SEMA6D: variants seen among roughly 807,000 people sequenced by gnomAD.
SEMA6D encodes semaphorin-6D.
SEMA6D carries 35 observed loss-of-function variants against 106.6 expected under a neutral mutation model. That is an observed-to-expected ratio of 0.33 (90% CI 0.25 to 0.44). The LOEUF is 0.44. Ranked by LOEUF, SEMA6D falls within the 20% of genes least tolerant of loss-of-function variation. The pLI, the probability that SEMA6D is intolerant of heterozygous loss-of-function variation, is 1.00. For synonymous variants in SEMA6D, 499 were observed against 487.7 expected (o/e 1.02, Z -0.31); for missense variants, 1,185 against 1,345.9 (o/e 0.88, Z 1.87).
chr15:47,504,545 T>C (rs1298422932), intron 3 of SEMA6D, among the ~76,000 whole-genome samples: 3 of 152,172 alleles, frequency 2.0e-5, no homozygotes, highest in Non-Finnish European at 4.4e-5. Context: ...TTTGCCCTCC[T>C]GAGCTGGGAA....
intron 1 of SEMA6D, among the ~76,000 whole-genome samples, chr15:47,342,420 G>A (rs189024335): frequency 3.7e-4 from 56 of 152,316 alleles, no homozygotes; most frequent in African/African-American, 1.3e-3. Flanking sequence ...ATCTTGTTCT[G>A]TAGTTTTCAA....
At chr15:47,486,547 G>C (rs2043301538) in intron 3 of SEMA6D, among the ~76,000 whole-genome samples, 1 of 152,190 alleles carries the variant, frequency 6.6e-6, no homozygotes, top group Admixed American at 6.5e-5. Flanking sequence ...AAGGTTGCCA[G>C]ACAGCTGGAC....
rs114406156 is a variant in SEMA6D at position 47,241,790 on chromosome 15, C to T, written c.-239+57372C>T. 4.5e-3 allele frequency among the ~76,000 whole-genome samples: 692 copies of T among 152,142 alleles called. 8 individuals carry two copies. The highest frequency in any genetic ancestry group is 0.016 in the African/African-American group (667 of 41,522). On this transcript the variant is annotated intron_variant, in intron 1 of 19. Coordinates refer to the SEMA6D transcript ENST00000558014. ...GCTCCTGTGGACTTTCTAGTTCTGC[C>T]TGATTACACATTTCCCCAGTAGGTT...
At chr15:47,394,109 C>T (rs772413047) in intron 1 of SEMA6D, among the ~76,000 whole-genome samples, 1 of 152,156 alleles carries the variant, frequency 6.6e-6, no homozygotes, top group Non-Finnish European at 1.5e-5. Flanking sequence ...TAGCCCTTGT[C>T]ATGGGTACAT....
chr15:47,423,836 C>A (rs934275987), intron 2 of SEMA6D, among the ~76,000 whole-genome samples: 1 of 151,846 alleles, frequency 6.6e-6, no homozygotes, highest in Non-Finnish European at 1.5e-5. Context: ...TGTCTAAAAC[C>A]CACCAGAGTT....
intron 1 of SEMA6D, among the ~76,000 whole-genome samples, chr15:47,348,721 C>CAGAGAGAGAGAGAGAG (rs1313096616): frequency 1.6e-4 from 4 of 24,670 alleles, no homozygotes; most frequent in African/African-American, 3.9e-4. Flanking sequence ...ACACACACCA[C>CAGAGAGAGAGAGAGAG]ACACACAGAG....
chr15:47,471,904 T>TTCTC (rs375802887), intron 3 of SEMA6D, among the ~76,000 whole-genome samples: 2,406 of 123,528 alleles, frequency 0.019, 41 homozygotes, highest in Non-Finnish European at 0.024. Flanking sequence ...GCTGTGCTCT[T>TTCTC]TCTCTCTCTC....
intron 1 of SEMA6D, among the ~76,000 whole-genome samples, chr15:47,271,234 A>G (rs1444863419): frequency 6.6e-6 from 1 of 152,210 alleles, no homozygotes; most frequent in Non-Finnish European, 1.5e-5. Flanking sequence ...TACAATAGGG[A>G]AAACATTAAT....
At chr15:47,600,460 TG>T (rs2076626088) in intron 3 of SEMA6D, among the ~76,000 whole-genome samples, 1 of 152,114 alleles carries the variant, frequency 6.6e-6, no homozygotes, top group Admixed American at 6.6e-5. Context: ...CCCAAACAAA[TG>T]TTTCTCTTAT....
At chr15:47,683,992 A>T (rs1325706631) in intron 4 of SEMA6D, among the ~76,000 whole-genome samples, 1 of 152,186 alleles carries the variant, frequency 6.6e-6, no homozygotes, top group Non-Finnish European at 1.5e-5. Context: ...TCTTTAAAGG[A>T]TGGATTATGT....
intron 1 of SEMA6D, among the ~76,000 whole-genome samples, chr15:47,367,116 A>C (rs1161827241): frequency 6.6e-6 from 1 of 152,130 alleles, no homozygotes; most frequent in Non-Finnish European, 1.5e-5. Flanking sequence ...AGTTGGGGTG[A>C]GTTTGACATG....
chr15:47,728,698 A>G (rs979673143), intron 1 of SEMA6D, among the ~76,000 whole-genome samples: 1 of 152,224 alleles, frequency 6.6e-6, no homozygotes, highest in African/African-American at 2.4e-5. Context: ...TAAAATCCAG[A>G]TAGCAGCTCC....
chr15:47,659,718 G>T (rs1223880961), intron 4 of SEMA6D, among the ~76,000 whole-genome samples: 3 of 152,016 alleles, frequency 2.0e-5, no homozygotes, highest in African/African-American at 7.2e-5. Flanking sequence ...AGTTCTTAAA[G>T]TTCACGAAAG....
rs148760459 is a variant in SEMA6D at position 47,489,343 on chromosome 15, G to A, written c.-87+18798G>A. ...AGAGAATAAATTTCTGTTGTTTTAG[G>A]CCACCAAGTTTGTGGTGTTCAGTTA... On this transcript the variant is annotated intron_variant, in intron 3 of 19. Coordinates refer to the SEMA6D transcript ENST00000558014. Among the ~76,000 whole-genome samples the A allele has an allele frequency of 5.6e-3, 850 of 152,252 alleles. 6 individuals carry two copies. The highest frequency in any genetic ancestry group is 0.015 in the Admixed American group (229 of 15,292).
At chr15:47,411,789 C>T (rs1162137636) in intron 1 of SEMA6D, among the ~76,000 whole-genome samples, 1 of 152,122 alleles carries the variant, frequency 6.6e-6, no homozygotes, top group Non-Finnish European at 1.5e-5. Context: ...CTTCCGGGTT[C>T]AGATCCCTCT....
At chr15:47,461,095 CT>C (rs2042494669) in intron 2 of SEMA6D, among the ~76,000 whole-genome samples, 1 of 152,122 alleles carries the variant, frequency 6.6e-6, no homozygotes, top group Non-Finnish European at 1.5e-5. Flanking sequence ...TGCGTTTGTA[CT>C]TGCTCTTGTC....
At chr15:47,348,727 C>CACACACCACACAGAGAGAGAG (rs1450109233) in intron 1 of SEMA6D, among the ~76,000 whole-genome samples, 1 of 57,054 alleles carries the variant, frequency 1.8e-5, no homozygotes, top group African/African-American at 5.0e-5. Context: ...ACCACACACA[C>CACACACCACACAGAGAGAGAG]AGAGAGAGAG....
At chr15:47,701,832 G>C (rs1566998615) in intron 4 of SEMA6D, among the ~76,000 whole-genome samples, 1 of 152,024 alleles carries the variant, frequency 6.6e-6, no homozygotes, top group Non-Finnish European at 1.5e-5. Context: ...TCCCCCACCT[G>C]GTTCTTCAGG....
At chr15:47,375,473 G>T (rs1476150819) in intron 1 of SEMA6D, among the ~76,000 whole-genome samples, 2 of 152,006 alleles carry the variant, frequency 1.3e-5, no homozygotes. Flanking sequence ...TTACATCAAA[G>T]AAAACTACTT....
Sources: allele counts gnomAD v4.1 joint callset (sites outside exome capture counted in the v4.1 genomes callset), GRCh38; gene constraint gnomAD v4.1.1; transcripts MANE v1.5; gene names NCBI Gene and HGNC (gene_info 2026-07-23, HGNC 2026-07-21).